The following CRTC1 variants were observed in gnomAD, a reference collection of about 807,000 sequenced individuals.
The protein encoded by CRTC1 is CREB-regulated transcription coactivator 1.
In CRTC1, 18 loss-of-function variants were observed where a neutral mutation model predicts 66.1. That is an observed-to-expected ratio of 0.27 (90% CI 0.19 to 0.40). CRTC1 has a LOEUF of 0.40. Among genes scored for constraint, CRTC1 ranks in the 10% least tolerant of loss-of-function variants. CRTC1 has a pLI of 1.00. For missense variants in CRTC1, 669 were observed against 887.9 expected (o/e 0.75, Z 3.13); for synonymous variants, 416 against 398.8 (o/e 1.04, Z -0.51).
intron 1 of CRTC1, among the ~76,000 whole-genome samples, chr19:18,716,313 C>T (rs2053506532): frequency 6.6e-6 from 1 of 151,692 alleles, no homozygotes; most frequent in Non-Finnish European, 1.5e-5. Context: ...AGTGCAGTGG[C>T]ACGATCTCAG....
chr19:18,743,479 A>G (rs1202125609), intron 2 of CRTC1, among the ~76,000 whole-genome samples: 1 of 152,222 alleles, frequency 6.6e-6, no homozygotes, highest in African/African-American at 2.4e-5. Context: ...GCACAGCCTT[A>G]TCGTAAACAG....
rs137901905 is a variant in CRTC1, at chr19:18,779,014, T to G, written c.*1632T>G. Reference sequence around the variant, plus strand: ...GTGACAGGGTACTTGGGAGCTGTCCTGGACCCTCCCCATACCACGGGCCCT... The same window carrying G: ...GTGACAGGGTACTTGGGAGCTGTCCGGGACCCTCCCCATACCACGGGCCCT... On this transcript the variant is annotated 3_prime_UTR_variant, in exon 14 of 14. Coordinates refer to ENST00000321949, the MANE Select transcript of CRTC1 (RefSeq NM_015321.3). 3.1e-3 allele frequency: 727 copies of G among 232,230 alleles called. 3 individuals are homozygous for G. Among genetic ancestry groups the G allele is most frequent in the African/African-American group, 0.015 (678 of 45,394 alleles). 14.4% of individuals were successfully genotyped at this position (232,230 alleles called of 1,614,324 possible).
intron 1 of CRTC1, among the ~76,000 whole-genome samples, chr19:18,701,976 T>C (rs2145537897): frequency 6.9e-6 from 1 of 144,874 alleles, no homozygotes; most frequent in Non-Finnish European, 1.5e-5. Context: ...CAGGCTGGAA[T>C]ACAGTGGTGC....
In CRTC1 at chr19:18,777,947, G is replaced by C. The variant is rs963826314; in HGVS notation, c.*565G>C. The C allele has an allele frequency of 2.4e-5, 6 of 248,004 alleles. No homozygotes were observed. Among genetic ancestry groups the C allele is most frequent in the Non-Finnish European group, 4.6e-5 (6 of 129,208 alleles). 15.4% of individuals were successfully genotyped at this position (248,004 alleles called of 1,614,324 possible). The stretch of plus-strand genomic sequence containing the variant: ...CGCAAAGTGAAATAAACACTATTTT[G>C]ACGGCTGTCTTTTATATTTCTGAGC... On this transcript the variant is annotated 3_prime_UTR_variant, in exon 14 of 14. Transcript: ENST00000321949. The surrounding 1 kb of genome is among the most constrained non-coding windows in gnomAD (Gnocchi z 5.5).
intron 1 of CRTC1, among the ~76,000 whole-genome samples, chr19:18,695,648 G>A (rs1470254201): frequency 6.6e-6 from 1 of 152,064 alleles, no homozygotes; most frequent in Non-Finnish European, 1.5e-5. Flanking sequence ...GGCAGATCAC[G>A]AGGTCAGGAG....
chr19:18,742,847 C>G, intron 1 of CRTC1, 63 bp from the exon 2 acceptor site: 1 of 1,237,936 alleles, frequency 8.1e-7, no homozygotes, highest in Non-Finnish European at 1.2e-6. Flanking sequence ...GCCTTTGGGG[C>G]TGGCACTCTG....
intron 2 of CRTC1, among the ~76,000 whole-genome samples, chr19:18,743,633 G>T (rs975048145): frequency 2.6e-5 from 4 of 152,186 alleles, no homozygotes; most frequent in Non-Finnish European, 4.4e-5. Flanking sequence ...TCCCCCTGGG[G>T]GGGGGTCACA....
chr19:18,755,288 G>T (rs2054458884), intron 6 of CRTC1, among the ~76,000 whole-genome samples: 1 of 151,906 alleles, frequency 6.6e-6, no homozygotes, highest in Admixed American at 6.6e-5. Flanking sequence ...TAGAAATAGG[G>T]TCTCTCTTAT....
intron 8 of CRTC1, among the ~76,000 whole-genome samples, chr19:18,763,258 G>A (rs998905263): frequency 2.6e-5 from 4 of 152,104 alleles, no homozygotes; most frequent in African/African-American, 9.6e-5. Context: ...CCACCACCAC[G>A]CCTGGCTAAT....
At chr19:18,692,225 G>A (rs953911289) in intron 1 of CRTC1, among the ~76,000 whole-genome samples, 1 of 152,156 alleles carries the variant, frequency 6.6e-6, no homozygotes, top group Non-Finnish European at 1.5e-5. Flanking sequence ...CAAAACCTGC[G>A]GAGCCAGCTG....
chr19:18,735,710 C>T, intron 1 of CRTC1: 1 of 153,098 alleles, frequency 6.5e-6, no homozygotes. Context: ...CCATCTCAGA[C>T]CCTATGAGCT....
intron 1 of CRTC1, among the ~76,000 whole-genome samples, chr19:18,693,474 C>CTT (rs1600754766): frequency 2.8e-5 from 4 of 145,020 alleles, no homozygotes; most frequent in South Asian, 2.2e-4. Context: ...GAGCTTAACT[C>CTT]TTTTGTTTTT....
rs540608695 is a variant in CRTC1, at chr19:18,777,117, C to T, written c.1694-54C>T. The T allele has an allele frequency of 1.9e-5, 19 of 1,008,962 alleles. No homozygotes were observed. The highest frequency in any genetic ancestry group is 4.8e-5 in the East Asian group (2 of 41,882). The allele number at this position is 1,008,962 out of a possible 1,614,324, so 62.5% of individuals were successfully genotyped here. A position where few individuals can be genotyped will look rare whatever the true frequency, so the allele number is the denominator to read the frequency against. On this transcript the variant is annotated intron_variant, in intron 13 of 13. Transcript: ENST00000321949. This position sits in a 1 kb window ranked among gnomAD's most constrained non-coding sequence, Gnocchi z 5.5. Reference sequence around the variant, plus strand: ...GCATGCCTGGTCCGACACATGGATGCGAGCGATGGAGCCAGGGCTAAGCAG... The same window carrying T: ...GCATGCCTGGTCCGACACATGGATGTGAGCGATGGAGCCAGGGCTAAGCAG...
At chr19:18,732,668 C>T (rs574719805) in intron 1 of CRTC1, among the ~76,000 whole-genome samples, 4 of 152,054 alleles carry the variant, frequency 2.6e-5, no homozygotes, top group African/African-American at 7.2e-5. Context: ...ACAAGGGCTT[C>T]GTGGGTGCAG....
At chr19:18,703,296 G>A (rs1173177258) in intron 1 of CRTC1, among the ~76,000 whole-genome samples, 1 of 152,058 alleles carries the variant, frequency 6.6e-6, no homozygotes, top group Non-Finnish European at 1.5e-5. Flanking sequence ...GCCTCCCAAA[G>A]TGCTGGGATT....
intron 2 of CRTC1, among the ~76,000 whole-genome samples, chr19:18,743,551 G>C (rs933950004): frequency 2.0e-5 from 3 of 152,196 alleles, no homozygotes; most frequent in African/African-American, 7.2e-5. Context: ...ATGGGGATGG[G>C]GTGGGGCCGA....
intron 1 of CRTC1, among the ~76,000 whole-genome samples, chr19:18,738,053 C>G (rs2054037651): frequency 6.6e-6 from 1 of 152,158 alleles, no homozygotes; most frequent in Non-Finnish European, 1.5e-5. Flanking sequence ...GGCACGGTGG[C>G]TCATGCCTCT....
intron 4 of CRTC1, 102 bp from the exon 5 acceptor site, chr19:18,749,679 C>T (rs914151832): frequency 1.0e-6 from 1 of 953,396 alleles, no homozygotes; most frequent in Non-Finnish European, 1.7e-6. Flanking sequence ...AAATGATCCA[C>T]AGCTGCCACC....
rs1048969904 is a variant in CRTC1 at position 18,780,509 on chromosome 19, G to T, written c.*3127G>T. ...GAGAGTGTTGGCATCAGTGTGTTTG[G>T]CCTGATTTCTTCAGGGGGCCAAGCT... On this transcript the variant is annotated 3_prime_UTR_variant, in exon 14 of 14. Transcript: ENST00000321949. 18 of 230,596 alleles carry T rather than the reference G, an allele frequency of 7.8e-5. No individual in the cohort carries two copies. Among genetic ancestry groups the T allele is most frequent in the Non-Finnish European group, 1.0e-4 (12 of 116,530 alleles). The allele number at this position is 230,596 out of a possible 1,614,324, so 14.3% of individuals were successfully genotyped here. A position where few individuals can be genotyped will look rare whatever the true frequency, so the allele number is the denominator to read the frequency against.
Sources: gnomAD v4.1 joint callset for allele counts (sites outside exome capture counted in the v4.1 genomes callset) on GRCh38, gnomAD v4.1.1 for gene constraint, Gnocchi (gnomAD v3.1) non-coding constraint, MANE v1.5 for transcripts, NCBI Gene and HGNC (gene_info 2026-07-23, HGNC 2026-07-21) for gene names.